The following TMEM108 variants were observed in gnomAD, a reference collection of about 807,000 sequenced individuals.
TMEM108 encodes transmembrane protein 108, also known as cancer/testis antigen 124.
A neutral mutation model predicts 35.1 loss-of-function variants in TMEM108; 12 were observed. The ratio of observed to expected loss-of-function variants is 0.34; its 90% CI spans 0.22 to 0.55. TMEM108 has a LOEUF of 0.55. Ranked by LOEUF, TMEM108 falls within the 20% of genes least tolerant of loss-of-function variation. The pLI is 0.89. For missense variants in TMEM108, 680 were observed against 753.3 expected, an observed-to-expected ratio of 0.90 and a Z score of 1.14; for synonymous variants, 287 against 308.6, an observed-to-expected ratio of 0.93 and a Z score of 0.73.
rs1168369764 is a variant in TMEM108 at position 133,397,185 on chromosome 3, C to G, written c.*1199C>G. Reference sequence around the variant, plus strand: ...ACGCCCAAGGGGCTTCCAGAGGTGGCCGCTTCTCTATTTTTTCCTGATTGT... The same window carrying G: ...ACGCCCAAGGGGCTTCCAGAGGTGGGCGCTTCTCTATTTTTTCCTGATTGT... On this transcript the variant is annotated 3_prime_UTR_variant, in exon 6 of 6. Coordinates refer to ENST00000321871, the MANE Select transcript of TMEM108 (RefSeq NM_023943.4). 1 of 152,170 alleles carries G rather than the reference C, an allele frequency of 6.6e-6. No homozygotes were observed. The highest frequency in any genetic ancestry group is 1.5e-5 in the Non-Finnish European group (1 of 68,028). The allele number at this position is 152,170 out of a possible 1,614,324, so 9.4% of individuals were successfully genotyped here.
At chr3:133,072,857 A>G (rs1943692724) in intron 2 of TMEM108, among the ~76,000 whole-genome samples, 1 of 152,022 alleles carries the variant, frequency 6.6e-6, no homozygotes, top group Admixed American at 6.6e-5. Flanking sequence ...TCTACTTTGT[A>G]TCTCTGGATT....
intron 2 of TMEM108, among the ~76,000 whole-genome samples, chr3:133,175,778 A>C (rs543452336): frequency 6.6e-6 from 1 of 152,350 alleles, no homozygotes; most frequent in South Asian, 2.1e-4. Context: ...CGAGCAAAAT[A>C]ACCAACTAAC....
chr3:133,171,306 A>G lies in TMEM108; in HGVS notation c.-46-57960A>G, dbSNP rs181139633. Among the ~76,000 whole-genome samples the G allele has an allele frequency of 2.1e-3, 322 of 152,344 alleles. 1 individual carries two copies. Among genetic ancestry groups the G allele is most frequent in the Middle Eastern group, 0.014 (4 of 294 alleles). ...GGGCACAATAATATAAACAAGTTTT[A>G]TTGCTAGTATATAATTTTAAAATTA... On this transcript the variant is annotated intron_variant, in intron 2 of 5. Coordinates refer to ENST00000321871, the MANE Select transcript of TMEM108 (RefSeq NM_023943.4).
At chr3:133,243,827 T>G (rs1226343752) in intron 3 of TMEM108, among the ~76,000 whole-genome samples, 1 of 152,168 alleles carries the variant, frequency 6.6e-6, no homozygotes. Flanking sequence ...CCCGGCCTCA[T>G]GTCTTTTTTA....
intron 3 of TMEM108, among the ~76,000 whole-genome samples, chr3:133,288,142 A>G (rs1362062229): frequency 1.3e-5 from 2 of 152,226 alleles, no homozygotes; most frequent in Non-Finnish European, 2.9e-5. Flanking sequence ...ACAACTAGAT[A>G]AATTAGTAGC....
intron 2 of TMEM108, among the ~76,000 whole-genome samples, chr3:133,097,226 A>G (rs1173288422): frequency 6.6e-6 from 1 of 152,248 alleles, no homozygotes; most frequent in African/African-American, 2.4e-5. Flanking sequence ...AACACCTTTT[A>G]TTCAAAGAAA....
chr3:133,285,352 G>A (rs1409184632), intron 3 of TMEM108, among the ~76,000 whole-genome samples: 1 of 152,168 alleles, frequency 6.6e-6, no homozygotes, highest in African/African-American at 2.4e-5. Flanking sequence ...CATTTTAAGT[G>A]GAAGATAATT....
At chr3:133,338,142 T>C (rs2071553452) in intron 3 of TMEM108, among the ~76,000 whole-genome samples, 1 of 152,058 alleles carries the variant, frequency 6.6e-6, no homozygotes, top group Non-Finnish European at 1.5e-5. Context: ...GAAAGTTTAT[T>C]GAAAGGGATA....
At chr3:133,296,038 C>CA (rs1947140758) in intron 3 of TMEM108, among the ~76,000 whole-genome samples, 1 of 151,972 alleles carries the variant, frequency 6.6e-6, no homozygotes, top group South Asian at 2.1e-4. Flanking sequence ...ATTTTCCCCC[C>CA]AAAAAAAGTA....
At chr3:133,227,152 CAAGT>C (rs1478052617) in intron 2 of TMEM108, among the ~76,000 whole-genome samples, 4 of 149,724 alleles carry the variant, frequency 2.7e-5, no homozygotes, top group Non-Finnish European at 5.9e-5. Flanking sequence ...AAAATATGCG[CAAGT>C]ATTTATATAA....
chr3:133,205,389 T>C (rs112261329), intron 2 of TMEM108, among the ~76,000 whole-genome samples: 2,282 of 152,302 alleles, frequency 0.015, 75 homozygotes, highest in African/African-American at 0.051. Context: ...ATGCAGTTTC[T>C]TTGTGGAGTG....
At chr3:133,066,235 C>T (rs1351517674) in intron 2 of TMEM108, among the ~76,000 whole-genome samples, 1 of 151,930 alleles carries the variant, frequency 6.6e-6, no homozygotes, top group Non-Finnish European at 1.5e-5. Context: ...TTCCCATTGC[C>T]ATCTGGTATG....
At chr3:133,176,760 A>T (rs1945237240) in intron 2 of TMEM108, among the ~76,000 whole-genome samples, 1 of 152,248 alleles carries the variant, frequency 6.6e-6, no homozygotes, top group Non-Finnish European at 1.5e-5. Context: ...AAAGAACTAG[A>T]GAAGCAAGAG....
intron 2 of TMEM108, 72 bp from the exon 3 acceptor site, chr3:133,229,194 T>C (rs935044947): frequency 1.9e-5 from 19 of 984,460 alleles, no homozygotes; most frequent in Admixed American, 1.4e-4. Flanking sequence ...CAAGATCCTA[T>C]TGAGTGGAGT....
intron 2 of TMEM108, among the ~76,000 whole-genome samples, chr3:133,047,177 C>A (rs929413863): frequency 6.6e-6 from 1 of 152,190 alleles, no homozygotes; most frequent in East Asian, 1.9e-4. Context: ...CCGATGCAGA[C>A]TATAGCTCAG....
chr3:133,306,523 C>T (rs557898048), intron 3 of TMEM108, among the ~76,000 whole-genome samples: 3 of 152,248 alleles, frequency 2.0e-5, no homozygotes, highest in African/African-American at 7.2e-5. Context: ...CCCAGCCCCC[C>T]ACTCAATGAC....
At chr3:133,049,434 T>C (rs1559816055) in intron 2 of TMEM108, among the ~76,000 whole-genome samples, 1 of 152,196 alleles carries the variant, frequency 6.6e-6, no homozygotes, top group Non-Finnish European at 1.5e-5. Flanking sequence ...TAGACAGCAC[T>C]GTTTTAGCCT....
At chr3:133,232,729 A>G (rs553276410) in intron 3 of TMEM108, among the ~76,000 whole-genome samples, 1 of 152,200 alleles carries the variant, frequency 6.6e-6, no homozygotes, top group Non-Finnish European at 1.5e-5. Flanking sequence ...ACAACTGACT[A>G]TCTCTGCCTT....
intron 2 of TMEM108, among the ~76,000 whole-genome samples, chr3:133,070,289 G>A (rs1200196568): frequency 6.6e-6 from 1 of 152,130 alleles, no homozygotes; most frequent in Non-Finnish European, 1.5e-5. Context: ...GAAAGGTTCT[G>A]GTCTTGGGAG....
Sources: gnomAD v4.1 joint callset for allele counts (sites outside exome capture counted in the v4.1 genomes callset) on GRCh38, gnomAD v4.1.1 for gene constraint, MANE v1.5 for transcripts, NCBI Gene and HGNC (gene_info 2026-07-23, HGNC 2026-07-21) for gene names.